The following ZHX2 variants were observed in gnomAD, a reference collection of about 807,000 sequenced individuals.
ZHX2 encodes the protein zinc fingers and homeoboxes 2.
Under a neutral mutation model 21.9 loss-of-function variants are expected in ZHX2, and 6 were observed. The observed-to-expected ratio is 0.27, with a 90% CI of 0.15 to 0.54. The LOEUF is 0.54. Among genes scored for constraint, ZHX2 ranks in the 20% least tolerant of loss-of-function variants. ZHX2 has a pLI of 0.95. For synonymous variants in ZHX2, 434 were observed against 437.1 expected, an observed-to-expected ratio of 0.99 and a Z score of 0.09; for missense variants, 908 against 1,090.7, an observed-to-expected ratio of 0.83 and a Z score of 2.36.
At chr8:122,816,651 C>T (rs1401289077) in intron 1 of ZHX2, 2 of 151,420 alleles carry the variant, frequency 1.3e-5, no homozygotes, top group Non-Finnish European at 2.9e-5. Context: ...GAGGAAGGCA[C>T]CTACAAAACG....
intron 1 of ZHX2, among the ~76,000 whole-genome samples, chr8:122,819,002 T>C (rs559911907): frequency 1.3e-5 from 2 of 152,266 alleles, no homozygotes; most frequent in South Asian, 4.2e-4. Context: ...AGAGTGAAGA[T>C]TTTTTGTGGG....
chr8:122,894,554 C>T (rs1820052037), intron 2 of ZHX2, among the ~76,000 whole-genome samples: 2 of 152,202 alleles, frequency 1.3e-5, no homozygotes, highest in Admixed American at 6.5e-5. Context: ...GGACAAAAAA[C>T]CAAACACTGC....
intron 3 of ZHX2, among the ~76,000 whole-genome samples, chr8:122,963,105 T>C (rs1813497202): frequency 6.6e-6 from 1 of 152,256 alleles, no homozygotes; most frequent in Non-Finnish European, 1.5e-5. Context: ...TCTTTTTCTG[T>C]GCAGAAGCTT....
intron 1 of ZHX2, among the ~76,000 whole-genome samples, chr8:122,827,699 A>G (rs1818292242): frequency 6.6e-6 from 1 of 152,256 alleles, no homozygotes; most frequent in Non-Finnish European, 1.5e-5. Flanking sequence ...ATAATTAAGA[A>G]ATGGGATTCT....
chr8:122,846,699 T>C (rs937894582), intron 1 of ZHX2, among the ~76,000 whole-genome samples: 1 of 152,062 alleles, frequency 6.6e-6, no homozygotes, highest in Non-Finnish European at 1.5e-5. Context: ...CCTAAGTTAG[T>C]GCAAAAGTAA....
At chr8:122,866,734 G>A (rs1324131390) in intron 2 of ZHX2, among the ~76,000 whole-genome samples, 2 of 152,226 alleles carry the variant, frequency 1.3e-5, no homozygotes, top group Non-Finnish European at 2.9e-5. Flanking sequence ...AGAGTATGCT[G>A]CAGTGGATTA....
At chr8:122,866,406 G>A (rs915012342) in intron 2 of ZHX2, among the ~76,000 whole-genome samples, 17 of 152,136 alleles carry the variant, frequency 1.1e-4, no homozygotes, top group African/African-American at 2.4e-4. Flanking sequence ...CATTTCTTAC[G>A]TGAGTGGTAG....
intron 1 of ZHX2, among the ~76,000 whole-genome samples, chr8:122,819,795 G>T (rs1028204600): frequency 6.6e-6 from 1 of 152,202 alleles, no homozygotes; most frequent in Non-Finnish European, 1.5e-5. Flanking sequence ...CTTCCAGAAG[G>T]CAGTGAAGTG....
intron 1 of ZHX2, among the ~76,000 whole-genome samples, chr8:122,797,758 A>C (rs1019340071): frequency 2.6e-5 from 4 of 152,200 alleles, no homozygotes; most frequent in African/African-American, 9.6e-5. Flanking sequence ...TGCCTTTCTT[A>C]CATTTTGTAG....
At chr8:122,847,692 A>G (rs1402717617) in intron 1 of ZHX2, among the ~76,000 whole-genome samples, 3 of 152,216 alleles carry the variant, frequency 2.0e-5, no homozygotes, top group Non-Finnish European at 2.9e-5. Flanking sequence ...CTTGGGGAAC[A>G]TGCCCTTTAT....
At chr8:122,884,748 G>A (rs941101566) in intron 2 of ZHX2, among the ~76,000 whole-genome samples, 2 of 152,210 alleles carry the variant, frequency 1.3e-5, no homozygotes, top group African/African-American at 4.8e-5. Flanking sequence ...AAGCAGACCT[G>A]TGGGAGCATG....
intron 2 of ZHX2, among the ~76,000 whole-genome samples, chr8:122,916,213 C>T (rs1410379635): frequency 6.6e-6 from 1 of 152,224 alleles, no homozygotes; most frequent in Non-Finnish European, 1.5e-5. Flanking sequence ...CAGCAAGGCT[C>T]CAAAGACTGG....
intron 2 of ZHX2, among the ~76,000 whole-genome samples, chr8:122,876,436 G>A (rs1465487806): frequency 6.6e-6 from 1 of 152,100 alleles, no homozygotes; most frequent in East Asian, 1.9e-4. Context: ...CCTGACAGAC[G>A]AGCAGAAGAG....
At chr8:122,884,603 A>G (rs5015912) in intron 2 of ZHX2, among the ~76,000 whole-genome samples, 83,545 of 151,992 alleles carry the variant, frequency 0.55, 23,181 homozygotes, top group South Asian at 0.67. Flanking sequence ...CCTGAGTGCA[A>G]AAGCTGCAGC....
chr8:122,951,530 C>T lies in ZHX2; in HGVS notation c.20C>T (p.Ser7Phe). Residue 7 changes from serine (S) to phenylalanine (F), a missense_variant, in exon 3 of 4, where the codon TCT becomes TTT. Physicochemically the swap from Ser to Phe is radical, Grantham distance 155. Transcript: ENST00000314393. MASKRK[S>F]TTPCMVRTSQ... is the part of the protein sequence containing the mutation. ...GGCAGCATGGCTAGCAAACGAAAAT[C>T]TACAACTCCATGCATGGTTCGGACA... 1.2e-6 allele frequency: 2 copies of T among 1,612,576 alleles called. No individual in the cohort carries two copies. Among genetic ancestry groups the T allele is most frequent in the Non-Finnish European group, 1.7e-6 (2 of 1,179,270 alleles).
chr8:122,784,428 A>C (rs1817354220), intron 1 of ZHX2, among the ~76,000 whole-genome samples: 1 of 152,232 alleles, frequency 6.6e-6, no homozygotes, highest in Admixed American at 6.5e-5. Flanking sequence ...GCAAAAAGCA[A>C]ATCCAGGCCT....
intron 2 of ZHX2, among the ~76,000 whole-genome samples, chr8:122,948,693 T>A (rs1422795763): frequency 2.0e-5 from 3 of 152,232 alleles, no homozygotes; most frequent in Non-Finnish European, 4.4e-5. Flanking sequence ...ATAAAGTTTG[T>A]GTATGATAAA....
At chr8:122,850,779 G>A (rs1818874303) in intron 1 of ZHX2, among the ~76,000 whole-genome samples, 1 of 150,926 alleles carries the variant, frequency 6.6e-6, no homozygotes, top group African/African-American at 2.4e-5. Flanking sequence ...TACTCTCCTT[G>A]GAGCTACTTT....
chr8:122,784,178 A>G (rs1175593950), intron 1 of ZHX2, among the ~76,000 whole-genome samples: 2 of 152,232 alleles, frequency 1.3e-5, no homozygotes, highest in Non-Finnish European at 2.9e-5. Flanking sequence ...GGCGTTTCTC[A>G]TCCACATCAG....
Sources: allele counts gnomAD v4.1 joint callset (sites outside exome capture counted in the v4.1 genomes callset), GRCh38; gene constraint gnomAD v4.1.1; transcripts MANE v1.5; gene names NCBI Gene and HGNC (gene_info 2026-07-23, HGNC 2026-07-21).